CPNE4: variants seen among roughly 807,000 people sequenced by gnomAD.
CPNE4 encodes the protein copine 4, also known as copine-4.
Under a neutral mutation model 67.9 loss-of-function variants are expected in CPNE4, and 25 were observed. That is an observed-to-expected ratio of 0.37 (90% CI 0.27 to 0.51). The LOEUF (loss-of-function observed/expected upper bound fraction) is 0.51. CPNE4 is among the 20% of genes least tolerant of loss of function. The probability of loss-of-function intolerance (pLI) is 0.93; values close to 1 mark genes in which losing one functional copy is unlikely to be tolerated. For synonymous variants in CPNE4, 242 were observed against 244.9 expected (o/e 0.99, Z 0.11); for missense variants, 464 against 690.8 (o/e 0.67, Z 3.68).
At chr3:131,737,780 T>A (rs2082272822) in intron 2 of CPNE4, among the ~76,000 whole-genome samples, 1 of 152,204 alleles carries the variant, frequency 6.6e-6, no homozygotes. Flanking sequence ...CAAGGTATAT[T>A]GTTTTCTTGT....
At chr3:131,912,970 A>T (rs913749596) in intron 1 of CPNE4, among the ~76,000 whole-genome samples, 1 of 152,180 alleles carries the variant, frequency 6.6e-6, no homozygotes, top group Non-Finnish European at 1.5e-5. Flanking sequence ...CTTCCCCCAG[A>T]TATTACTTAT....
intron 2 of CPNE4, among the ~76,000 whole-genome samples, chr3:131,731,942 T>A (rs1423011045): frequency 6.6e-6 from 1 of 152,070 alleles, no homozygotes; most frequent in Non-Finnish European, 1.5e-5. Context: ...CACCTGGGGA[T>A]CTCCAAACCA....
chr3:131,976,018 G>A (rs1389191103), intron 1 of CPNE4, among the ~76,000 whole-genome samples: 1 of 150,400 alleles, frequency 6.6e-6, no homozygotes, highest in Non-Finnish European at 1.5e-5. Flanking sequence ...ACTTATGGAT[G>A]CTGATATTTA....
At chr3:131,963,555 G>A (rs1275481893) in intron 1 of CPNE4, among the ~76,000 whole-genome samples, 1 of 152,176 alleles carries the variant, frequency 6.6e-6, no homozygotes, top group Non-Finnish European at 1.5e-5. Flanking sequence ...CTTGGTAGGG[G>A]GAGGGGCATC....
chr3:132,034,925 AG>A lies in CPNE4; in HGVS notation c.-361del. On this transcript the variant is annotated 5_prime_UTR_variant, in exon 1 of 16. Transcript: ENST00000429747. ...GGGAGGGAGTGGAGTGGAGCGAGGG[AG>A]GAAGGAAAGGAGGGTGGCAGAAAGA... 6 of 984,992 alleles carry A rather than the reference AG, an allele frequency of 6.1e-6. No homozygotes were observed. The South Asian group carries it at 2.8e-4, about 46-fold the overall frequency. 61.0% of individuals were successfully genotyped at this position (984,992 alleles called of 1,614,324 possible).
intron 1 of CPNE4, among the ~76,000 whole-genome samples, chr3:131,987,383 A>G (rs1307298665): frequency 2.8e-5 from 4 of 141,148 alleles, no homozygotes; most frequent in Non-Finnish European, 4.6e-5. Context: ...ATTAAGTTGT[A>G]CAGATTTTTT....
At chr3:131,747,537 C>T (rs1218872492) in intron 2 of CPNE4, among the ~76,000 whole-genome samples, 1 of 133,206 alleles carries the variant, frequency 7.5e-6, no homozygotes, top group Non-Finnish European at 1.8e-5. Flanking sequence ...AATTTGGTTT[C>T]CACTTAAAAA....
intron 2 of CPNE4, among the ~76,000 whole-genome samples, chr3:131,810,971 C>A (rs2084502405): frequency 6.6e-6 from 1 of 151,896 alleles, no homozygotes; most frequent in Non-Finnish European, 1.5e-5. Context: ...TATATGGAAC[C>A]TAAAATAGTC....
intron 2 of CPNE4, among the ~76,000 whole-genome samples, chr3:131,774,507 C>A (rs1282661617): frequency 6.6e-6 from 1 of 152,026 alleles, no homozygotes; most frequent in East Asian, 1.9e-4. Flanking sequence ...CAGTAATATT[C>A]ATAATTTTAT....
rs201272576 is a variant in CPNE4 at position 131,905,457 on chromosome 3, A to G, written c.-1-13T>C. 302 of 1,601,644 alleles carry G rather than the reference A, an allele frequency of 1.9e-4. 1 individual carries two copies. Among genetic ancestry groups the G allele is most frequent in the Middle Eastern group, 6.8e-4 (4 of 5,902 alleles). On this transcript the variant is annotated splice_polypyrimidine_tract_variant and intron_variant, in intron 1 of 15. Transcript: ENST00000429747. ...CATCTTCTTCATTCTGTTTTAGGCA[A>G]GTAAAAGAATAAAAAAGAAGTGCCA...
chr3:131,747,755 G>T (rs542961244), intron 2 of CPNE4, among the ~76,000 whole-genome samples: 12 of 152,184 alleles, frequency 7.9e-5, no homozygotes, highest in African/African-American at 2.6e-4. Context: ...TTTTTTGGTA[G>T]ATTCTTTGGA....
intron 3 of CPNE4, among the ~76,000 whole-genome samples, chr3:131,711,598 A>G (rs1224721743): frequency 6.6e-6 from 1 of 152,158 alleles, no homozygotes; most frequent in Non-Finnish European, 1.5e-5. Flanking sequence ...CTGTGCTCAC[A>G]TGGGAAGGGC....
At chr3:131,889,784 G>A (rs2107737926) in intron 2 of CPNE4, among the ~76,000 whole-genome samples, 1 of 152,266 alleles carries the variant, frequency 6.6e-6, no homozygotes, top group African/African-American at 2.4e-5. Context: ...AAGTGTATGT[G>A]TTGTCACATT....
intron 1 of CPNE4, among the ~76,000 whole-genome samples, chr3:131,996,692 G>A (rs1358666156): frequency 6.6e-6 from 1 of 151,868 alleles, no homozygotes; most frequent in Non-Finnish European, 1.5e-5. Context: ...CTACAGCATA[G>A]GTCTATAGTG....
chr3:131,999,443 T>C (rs2073373805), intron 1 of CPNE4, among the ~76,000 whole-genome samples: 1 of 152,006 alleles, frequency 6.6e-6, no homozygotes, highest in Non-Finnish European at 1.5e-5. Context: ...GAATGAGCCT[T>C]ATGCAAAAGA....
chr3:131,756,234 G>A (rs1447071538), intron 2 of CPNE4, among the ~76,000 whole-genome samples: 1 of 152,180 alleles, frequency 6.6e-6, no homozygotes, highest in Admixed American at 6.5e-5. Flanking sequence ...AAAATTAACA[G>A]CTAGATACTT....
chr3:131,969,740 G>A lies in CPNE4; in HGVS notation c.-1-64296C>T, dbSNP rs2072453702. 2.0e-5 allele frequency among the ~76,000 whole-genome samples: 3 copies of A among 152,120 alleles called. No homozygotes were observed. The South Asian group carries it at 6.2e-4, about 31-fold the overall frequency. ...ATAAAATTATTAAATTCTCTTCACTGTCCTCTCTAGTTCCTAAATGACATG... is the reference window on the plus strand; with the variant it reads ...ATAAAATTATTAAATTCTCTTCACTATCCTCTCTAGTTCCTAAATGACATG... On this transcript the variant is annotated intron_variant, in intron 1 of 15. Coordinates refer to ENST00000429747, the MANE Select transcript of CPNE4 (RefSeq NM_130808.3).
chr3:131,967,735 T>C (rs2072391638), intron 1 of CPNE4, among the ~76,000 whole-genome samples: 1 of 152,230 alleles, frequency 6.6e-6, no homozygotes, highest in South Asian at 2.1e-4. Context: ...AAATATTCCA[T>C]GCTCATAGAC....
chr3:131,845,705 T>C (rs1383111518), intron 2 of CPNE4, among the ~76,000 whole-genome samples: 3 of 152,164 alleles, frequency 2.0e-5, no homozygotes, highest in African/African-American at 4.8e-5. Context: ...GATTGATTGA[T>C]TGAATAAATC....
Sources: gnomAD v4.1 joint callset for allele counts (sites outside exome capture counted in the v4.1 genomes callset) on GRCh38, gnomAD v4.1.1 for gene constraint, MANE v1.5 for transcripts, NCBI Gene and HGNC (gene_info 2026-07-23, HGNC 2026-07-21) for gene names.